TMC1: variants seen among roughly 807,000 people sequenced by gnomAD.
The protein encoded by TMC1 is transmembrane channel like 1.
A neutral mutation model predicts 105.8 loss-of-function variants in TMC1; 84 were observed. That is an observed-to-expected ratio of 0.79 (90% CI 0.67 to 0.95). The LOEUF (loss-of-function observed/expected upper bound fraction) is 0.95, where lower values mean the gene tolerates loss of function less well. Ranked by LOEUF, TMC1 falls within the 40% of genes least tolerant of loss-of-function variation. TMC1 has a pLI of 0.00. For synonymous variants in TMC1, 315 were observed against 311.5 expected (o/e 1.01, Z -0.12); for missense variants, 817 against 914.1 (o/e 0.89, Z 1.37).
At chr9:72,740,458 T>C (rs1422974049) in intron 9 of TMC1, among the ~76,000 whole-genome samples, 3 of 152,220 alleles carry the variant, frequency 2.0e-5, no homozygotes, top group Non-Finnish European at 4.4e-5. Context: ...CTTGTGTGAC[T>C]TTAGCACTTC....
chr9:72,826,578 T>C (rs1384499916), intron 20 of TMC1, among the ~76,000 whole-genome samples: 1 of 152,198 alleles, frequency 6.6e-6, no homozygotes, highest in Non-Finnish European at 1.5e-5. Context: ...TTACAAAATA[T>C]ATTTCAATCA....
intron 4 of TMC1, chr9:72,628,445 T>A (rs1455894446): frequency 1.7e-5 from 3 of 177,706 alleles, no homozygotes; most frequent in Non-Finnish European, 3.6e-5. Flanking sequence ...GGCTATGTGA[T>A]AAACAGAAGA....
intron 20 of TMC1, among the ~76,000 whole-genome samples, chr9:72,822,902 A>G (rs897560614): frequency 5.9e-5 from 9 of 152,242 alleles, no homozygotes; most frequent in Non-Finnish European, 1.3e-4. Flanking sequence ...CATGAACAAT[A>G]GTTGCACAAT....
chr9:72,640,227 G>C (rs1825603635), intron 4 of TMC1, among the ~76,000 whole-genome samples: 1 of 152,114 alleles, frequency 6.6e-6, no homozygotes, highest in African/African-American at 2.4e-5. Context: ...TGTCATGGCT[G>C]GCCTGTGAGA....
intron 1 of TMC1, among the ~76,000 whole-genome samples, chr9:72,539,327 G>A (rs1305955784): frequency 2.6e-5 from 4 of 152,008 alleles, no homozygotes; most frequent in Non-Finnish European, 5.9e-5. Context: ...AATGACCTCA[G>A]CCTAGGAGAT....
chr9:72,734,191 A>C (rs567794649), intron 8 of TMC1, among the ~76,000 whole-genome samples: 8 of 152,198 alleles, frequency 5.3e-5, no homozygotes, highest in Non-Finnish European at 1.0e-4. Context: ...TTATTTCTGG[A>C]ATTTTCCATT....
intron 12 of TMC1, among the ~76,000 whole-genome samples, chr9:72,761,031 A>G (rs1827748266): frequency 6.6e-6 from 1 of 152,214 alleles, no homozygotes; most frequent in Admixed American, 6.5e-5. Context: ...CATTTATGAA[A>G]CACTGTATTT....
chr9:72,550,332 G>A (rs754105750), intron 1 of TMC1, among the ~76,000 whole-genome samples: 5 of 151,858 alleles, frequency 3.3e-5, no homozygotes, highest in Non-Finnish European at 5.9e-5. Context: ...GCTGGGCGTG[G>A]TCAGGCGCCT....
At chr9:72,828,944 A>G (rs567851212) in intron 21 of TMC1, among the ~76,000 whole-genome samples, 1 of 152,156 alleles carries the variant, frequency 6.6e-6, no homozygotes, top group Non-Finnish European at 1.5e-5. Context: ...AGACAGAAAA[A>G]CCATTCTTAA....
intron 19 of TMC1, among the ~76,000 whole-genome samples, chr9:72,817,600 G>A (rs1828807146): frequency 6.6e-6 from 1 of 152,064 alleles, no homozygotes; most frequent in Admixed American, 6.6e-5. Flanking sequence ...AGGCCTCATG[G>A]GTACCATTCA....
chr9:72,607,028 A>AGAG (rs770219292), intron 2 of TMC1, among the ~76,000 whole-genome samples: 5 of 91,074 alleles, frequency 5.5e-5, no homozygotes, highest in African/African-American at 2.1e-4. Flanking sequence ...GAGAGAGAGA[A>AGAG]AGAGAACTTA....
chr9:72,791,845 A>G (rs758995752), intron 15 of TMC1, 41 bp from the exon 16 acceptor site: 1 of 1,565,416 alleles, frequency 6.4e-7, no homozygotes. Context: ...TAATAACTTT[A>G]AACACCATTA....
chr9:72,648,200 C>T lies in TMC1; in HGVS notation c.-52-397C>T, dbSNP rs566918627. On this transcript the variant is annotated intron_variant, in intron 4 of 23. Transcript: ENST00000297784. The stretch of plus-strand genomic sequence containing the variant: ...TTACTAACGCATTTAATTTACCAAG[C>T]ACACTTAGTGGCTGGTATTTCTTAC... Among the ~76,000 whole-genome samples the T allele has an allele frequency of 3.9e-5, 6 of 152,292 alleles. No homozygotes were observed. In the South Asian group the frequency reaches 1.2e-3, roughly 32 times the overall value.
intron 12 of TMC1, among the ~76,000 whole-genome samples, chr9:72,759,778 G>A (rs1827727224): frequency 6.6e-6 from 1 of 152,146 alleles, no homozygotes; most frequent in African/African-American, 2.4e-5. Flanking sequence ...TAAAGTTACA[G>A]AAATTTTGAG....
intron 18 of TMC1, among the ~76,000 whole-genome samples, chr9:72,810,986 G>T (rs1828693966): frequency 6.6e-6 from 1 of 152,166 alleles, no homozygotes; most frequent in Non-Finnish European, 1.5e-5. Context: ...AACAGCCTCT[G>T]TAGAGACTCT....
chr9:72,535,472 CA>C (rs776996291), intron 1 of TMC1, among the ~76,000 whole-genome samples: 2 of 152,154 alleles, frequency 1.3e-5, no homozygotes, highest in Admixed American at 6.5e-5. Context: ...TAAACCATAT[CA>C]GGGGAGGATA....
At chr9:72,584,460 T>G (rs558770739) in intron 2 of TMC1, among the ~76,000 whole-genome samples, 1 of 152,084 alleles carries the variant, frequency 6.6e-6, no homozygotes, top group South Asian at 2.1e-4. Context: ...GGAAACAGGG[T>G]TTTGCCATGT....
intron 21 of TMC1, among the ~76,000 whole-genome samples, 177 bp downstream of exon 21, chr9:72,827,171 A>T (rs1007136705): frequency 2.0e-5 from 3 of 152,164 alleles, no homozygotes; most frequent in Admixed American, 2.0e-4. Context: ...TTCTGATCCT[A>T]TTGGATGTAA....
At chr9:72,762,868 G>C (rs1315778560) in intron 12 of TMC1, among the ~76,000 whole-genome samples, 1 of 151,946 alleles carries the variant, frequency 6.6e-6, no homozygotes, top group Non-Finnish European at 1.5e-5. Context: ...GGTTCAACAG[G>C]CTTATTAAGT....
Sources: gnomAD v4.1 joint callset for allele counts (sites outside exome capture counted in the v4.1 genomes callset) on GRCh38, gnomAD v4.1.1 for gene constraint, MANE v1.5 for transcripts, NCBI Gene and HGNC (gene_info 2026-07-23, HGNC 2026-07-21) for gene names.